TULP3: variants seen among roughly 807,000 people sequenced by gnomAD.
TULP3 encodes TUB like protein 3, also known as tubby-related protein 3.
A neutral mutation model predicts 50.7 loss-of-function variants in TULP3; 38 were observed. The observed-to-expected ratio is 0.75, with a 90% confidence interval of 0.58 to 0.98. The LOEUF (loss-of-function observed/expected upper bound fraction) is 0.98, where lower values mean the gene tolerates loss of function less well. TULP3 is among the 50% of genes least tolerant of loss of function. The probability of loss-of-function intolerance (pLI) is 0.00; values close to 1 mark genes in which losing one functional copy is unlikely to be tolerated. For synonymous variants in TULP3, 183 were observed against 196.6 expected, an observed-to-expected ratio of 0.93 and a Z score of 0.58; for missense variants, 550 against 568.0, an observed-to-expected ratio of 0.97 and a Z score of 0.32.
At chr12:2,932,444 G>T (rs2098198636) in intron 6 of TULP3, among the ~76,000 whole-genome samples, 1 of 151,976 alleles carries the variant, frequency 6.6e-6, no homozygotes, top group South Asian at 2.1e-4. Context: ...GCCAGGAGTG[G>T]TGGCATGCAC....
intron 4 of TULP3, among the ~76,000 whole-genome samples, chr12:2,926,526 G>T (rs2098194769): frequency 6.6e-6 from 1 of 152,166 alleles, no homozygotes; most frequent in Non-Finnish European, 1.5e-5. Context: ...GAAGGAAAAA[G>T]TGTCCTTTGC....
At chr12:2,892,731 C>G (rs1300882427) in intron 1 of TULP3, among the ~76,000 whole-genome samples, 3 of 152,014 alleles carry the variant, frequency 2.0e-5, no homozygotes, top group Non-Finnish European at 4.4e-5. Flanking sequence ...AAGATGGTCT[C>G]GATTTCTTGA....
intron 1 of TULP3, among the ~76,000 whole-genome samples, chr12:2,899,345 C>CAAAA (rs55818833): frequency 0.18 from 14,699 of 82,214 alleles, 1,465 homozygotes; most frequent in South Asian, 0.26. Context: ...AACGACGTCT[C>CAAAA]AAAAAAAAAA....
At chr12:2,891,267 C>T (rs1219273931) in intron 1 of TULP3, among the ~76,000 whole-genome samples, 2 of 152,136 alleles carry the variant, frequency 1.3e-5, no homozygotes. Flanking sequence ...GTGACGGGCT[C>T]CCTCGGCCCC....
At chr12:2,897,771 TAA>T (rs71057851) in intron 1 of TULP3, among the ~76,000 whole-genome samples, 162 of 125,716 alleles carry the variant, frequency 1.3e-3, no homozygotes, top group Middle Eastern at 4.2e-3. Flanking sequence ...CCCTGTCTCT[TAA>T]AAAAAAAAAA....
intron 9 of TULP3, among the ~76,000 whole-genome samples, 175 bp downstream of exon 9, chr12:2,937,904 G>T (rs1023108172): frequency 8.6e-5 from 13 of 152,042 alleles, no homozygotes; most frequent in Admixed American, 8.5e-4. Context: ...AAGAGCAGTT[G>T]CAGAGTCATT....
At position 2,938,159 on chromosome 12, in the gene TULP3, A is replaced by C. The variant is rs147467278; in HGVS notation, c.1069A>C (p.Asn357His). ...AAGGTGGCAGAACAGAACTATGGAA[A>C]ATCTGGTTGAGCTGCACAACAAGGC... Reference protein sequence around the residue: ...LSRWQNRTMENLVELHNKAPV... With the variant: ...LSRWQNRTMEHLVELHNKAPV... The change falls in exon 10 of 11, where the codon AAT (asparagine) becomes CAT (histidine). Residue 357 changes from asparagine to histidine, a missense_variant. Asn to His is a moderately conservative substitution (Grantham distance 68). Transcript: ENST00000448120. 1 of 1,614,188 alleles carries C rather than the reference A, an allele frequency of 6.2e-7. No homozygotes were observed. The highest frequency in any genetic ancestry group is 8.5e-7 in the Non-Finnish European group (1 of 1,180,042).
chr12:2,937,596 G>A, intron 8 of TULP3, 35 bp from the exon 9 acceptor site: 1 of 1,499,270 alleles, frequency 6.7e-7, no homozygotes, highest in Middle Eastern at 1.7e-4. Context: ...TTTTTTTCCT[G>A]TTTCCAAGTT....
intron 2 of TULP3, among the ~76,000 whole-genome samples, chr12:2,910,974 G>A (rs894165669): frequency 1.3e-5 from 2 of 152,104 alleles, no homozygotes; most frequent in Non-Finnish European, 2.9e-5. Context: ...AGGCATCCTA[G>A]TATCGTAAGG....
chr12:2,938,167 T>A lies in TULP3; in HGVS notation c.1077T>A (p.Val359=). The part of the protein sequence containing the change: ...RWQNRTMENL[V]ELHNKAPVWN... ...AGAACAGAACTATGGAAAATCTGGT[T>A]GAGCTGCACAACAAGGCCCCCGTCT... Residue 359 remains valine (V), a synonymous_variant, in exon 10 of 11, where the codon GTT becomes GTA. Coordinates refer to ENST00000448120, the MANE Select transcript of TULP3 (RefSeq NM_003324.5). 6.2e-7 allele frequency: 1 copy of A among 1,613,728 alleles called. No homozygotes were observed. Among genetic ancestry groups the A allele is most frequent in the African/African-American group, 1.3e-5 (1 of 75,038 alleles).
intron 1 of TULP3, among the ~76,000 whole-genome samples, chr12:2,896,971 A>G (rs1360427656): frequency 6.6e-6 from 1 of 152,226 alleles, no homozygotes; most frequent in Non-Finnish European, 1.5e-5. Flanking sequence ...TAGCAGAGTG[A>G]CAACACATTT....
In TULP3 at chr12:2,940,029, GC is replaced by G. The variant is rs1335339409; in HGVS notation, c.*587del. On this transcript the variant is annotated 3_prime_UTR_variant, in exon 11 of 11. Transcript: ENST00000448120. ...CTCTTCATTCCCTCACAGCAGATTG[GC>G]CGGCACCAATCTTAGTCAAGAGTGG... 1 of 1,288,626 alleles carries G rather than the reference GC, an allele frequency of 7.8e-7. No homozygotes were observed. Among genetic ancestry groups the G allele is most frequent in the South Asian group, 1.2e-5 (1 of 81,010 alleles). The allele number at this position is 1,288,626 out of a possible 1,614,324, so 79.8% of individuals were successfully genotyped here.
intron 1 of TULP3, among the ~76,000 whole-genome samples, chr12:2,894,295 C>G (rs11062403): frequency 8.1e-4 from 77 of 95,118 alleles, no homozygotes; most frequent in South Asian, 1.1e-3. Flanking sequence ...GGCGGGGGGG[C>G]GGGGCGGGGG....
At chr12:2,934,382 T>G (rs1201240591) in intron 7 of TULP3, 65 bp from the exon 8 acceptor site, 2 of 1,084,208 alleles carry the variant, frequency 1.8e-6, no homozygotes, top group South Asian at 4.2e-5. Context: ...TTTCCTTCTC[T>G]TAGATTGTGT....
intron 4 of TULP3, among the ~76,000 whole-genome samples, chr12:2,927,918 T>C (rs2098195609): frequency 3.3e-5 from 5 of 152,166 alleles, no homozygotes; most frequent in Non-Finnish European, 7.4e-5. Context: ...CTCTGCCTCT[T>C]TCTCTTGGAG....
At chr12:2,931,940 T>G (rs2098198312) in intron 6 of TULP3, among the ~76,000 whole-genome samples, 1 of 152,110 alleles carries the variant, frequency 6.6e-6, no homozygotes, top group Admixed American at 6.6e-5. Flanking sequence ...AACTGGGGCT[T>G]AGGGAGTGAC....
intron 1 of TULP3, among the ~76,000 whole-genome samples, chr12:2,901,111 C>T (rs1314379332): frequency 6.6e-6 from 1 of 151,174 alleles, no homozygotes; most frequent in Admixed American, 6.6e-5. Context: ...TATTTTGGGC[C>T]CCCTCCCCCC....
intron 4 of TULP3, 137 bp downstream of exon 4, chr12:2,922,539 T>G: frequency 9.6e-7 from 1 of 1,043,478 alleles, no homozygotes; most frequent in Non-Finnish European, 1.4e-6. Context: ...TGACAGTGTT[T>G]AGCATCTTTT....
chr12:2,930,953 T>C (rs751609915), intron 5 of TULP3, 84 bp from the exon 6 acceptor site: 11 of 1,455,640 alleles, frequency 7.6e-6, no homozygotes, highest in African/African-American at 4.2e-5. Context: ...AATTACTAAG[T>C]TGCTTTGTCC....
Sources: gnomAD v4.1 joint callset for allele counts (sites outside exome capture counted in the v4.1 genomes callset) on GRCh38, gnomAD v4.1.1 for gene constraint, MANE v1.5 for transcripts, NCBI Gene and HGNC (gene_info 2026-07-23, HGNC 2026-07-21) for gene names.